The following EPAS1 variants were observed in gnomAD, a reference collection of about 807,000 sequenced individuals.
EPAS1 encodes the protein endothelial PAS domain-containing protein 1.
In EPAS1, 23 loss-of-function variants were observed where a neutral mutation model predicts 87.9. That is an observed-to-expected ratio of 0.26 (90% CI 0.19 to 0.37). The LOEUF is 0.37. EPAS1 is among the 10% of genes least tolerant of loss of function. The probability of loss-of-function intolerance (pLI) is 1.00; values close to 1 mark genes in which losing one functional copy is unlikely to be tolerated. For synonymous variants in EPAS1, 508 were observed against 444.3 expected (o/e 1.14, Z -1.80); for missense variants, 1,138 against 1,120.7 (o/e 1.02, Z -0.22).
intron 15 of EPAS1, 54 bp from the exon 16 acceptor site, chr2:46,384,455 T>A: frequency 6.2e-7 from 1 of 1,613,410 alleles, no homozygotes; most frequent in Non-Finnish European, 8.5e-7. Flanking sequence ...AAGTAGACAC[T>A]TTTCCAAATG....
rs1409595021 is a variant in EPAS1, at chr2:46,381,730, A to G, written c.2172+8A>G. Reference sequence around the variant, plus strand: ...TTCCAGGACCTGAGCGGGGTGAGTCATCCCCACTGGCCACAGGGGCCTCTC... The same window carrying G: ...TTCCAGGACCTGAGCGGGGTGAGTCGTCCCCACTGGCCACAGGGGCCTCTC... On this transcript the variant is annotated splice_region_variant and intron_variant, in intron 13 of 15. Coordinates refer to ENST00000263734, the MANE Select transcript of EPAS1 (RefSeq NM_001430.5). 3.1e-6 allele frequency: 5 copies of G among 1,613,556 alleles called. No homozygotes were observed. The African/African-American group carries it at 5.3e-5, about 17-fold the overall frequency.
chr2:46,369,307 C>T (rs1684573190), intron 6 of EPAS1, among the ~76,000 whole-genome samples: 1 of 152,142 alleles, frequency 6.6e-6, no homozygotes, highest in Non-Finnish European at 1.5e-5. Flanking sequence ...CTGGTTGACA[C>T]AGAGACAAAG....
chr2:46,334,147 C>G (rs750523955), intron 1 of EPAS1, among the ~76,000 whole-genome samples: 28 of 152,188 alleles, frequency 1.8e-4, no homozygotes, highest in Non-Finnish European at 3.5e-4. Context: ...CTCACACTTG[C>G]TGTCCAGCAG....
Position 46,380,710 on chromosome 2 carries a change from A to C in EPAS1, c.2038A>C (p.Lys680Gln). Residue 680 changes from lysine (K) to glutamine (Q), a missense_variant, in exon 12 of 16, where the codon AAG becomes CAG. Physicochemically the swap from Lys to Gln is moderately conservative, Grantham distance 53. Transcript: ENST00000263734. The surrounding 1 kb of genome is among the most constrained non-coding windows in gnomAD (Gnocchi z 4.4). Reference protein sequence around the residue: ...PVSPPHVSTFKTRSAKGFGAR... With the variant: ...PVSPPHVSTFQTRSAKGFGAR... ...CTCTCCACCCCATGTCTCCACCTTC[A>C]AGACAAGGTAAGTGGCAGATACTCA... The C allele has an allele frequency of 6.2e-7, 1 of 1,610,850 alleles. No individual in the cohort carries two copies. The highest frequency in any genetic ancestry group is 8.5e-7 in the Non-Finnish European group (1 of 1,179,970).
At chr2:46,299,762 G>A (rs1682959789) in intron 1 of EPAS1, among the ~76,000 whole-genome samples, 1 of 152,206 alleles carries the variant, frequency 6.6e-6, no homozygotes, top group Non-Finnish European at 1.5e-5. Flanking sequence ...AAACTTGGGA[G>A]CAGGGGAAAA....
intron 6 of EPAS1, among the ~76,000 whole-genome samples, chr2:46,367,483 G>A (rs1451111832): frequency 2.0e-5 from 3 of 152,354 alleles, no homozygotes; most frequent in East Asian, 1.9e-4. Context: ...ACCCAGCAGC[G>A]AAGCCATTTG....
chr2:46,382,161 G>T, intron 14 of EPAS1, 72 bp downstream of exon 14: 2 of 1,418,520 alleles, frequency 1.4e-6, no homozygotes, highest in Non-Finnish European at 9.8e-7. Context: ...AGCCCATCCT[G>T]GTTCTTCCAT....
At chr2:46,299,939 G>C (rs1202052877) in intron 1 of EPAS1, among the ~76,000 whole-genome samples, 1 of 152,236 alleles carries the variant, frequency 6.6e-6, no homozygotes, top group African/African-American at 2.4e-5. Flanking sequence ...GAAACGCCTT[G>C]GAGGCCGCTG....
Position 46,381,709 on chromosome 2 carries a change from A to T in EPAS1, c.2159A>T (p.Gln720Leu). ...RQLEYEEQAF[Q>L]DLSGGDPPGG... ...CTGGAGTATGAAGAGCAAGCCTTCCAGGACCTGAGCGGGGTGAGTCATCCC... is the reference window on the plus strand; with the variant it reads ...CTGGAGTATGAAGAGCAAGCCTTCCTGGACCTGAGCGGGGTGAGTCATCCC... The change falls in exon 13 of 16, where the codon CAG (glutamine) becomes CTG (leucine). Residue 720 changes from glutamine to leucine, a missense_variant. Physicochemically the swap from Gln to Leu is moderately radical, Grantham distance 113. Around this residue, in one of 4 missense-constraint regions of EPAS1, gnomAD observed 502 missense variants for 427.1 expected, o/e 1.18. Coordinates refer to ENST00000263734, the MANE Select transcript of EPAS1 (RefSeq NM_001430.5). 3 of 1,613,924 alleles carry T rather than the reference A, an allele frequency of 1.9e-6. No homozygotes were observed. The highest frequency in any genetic ancestry group is 2.5e-6 in the Non-Finnish European group (3 of 1,180,026).
intron 1 of EPAS1, among the ~76,000 whole-genome samples, chr2:46,344,676 G>C (rs1448450843): frequency 3.9e-5 from 6 of 152,226 alleles, no homozygotes; most frequent in Non-Finnish European, 4.4e-5. Context: ...GTGGGGAAAG[G>C]GGGGTGCAGG....
At chr2:46,323,640 TC>T (rs1479022284) in intron 1 of EPAS1, among the ~76,000 whole-genome samples, 2 of 152,202 alleles carry the variant, frequency 1.3e-5, no homozygotes, top group Non-Finnish European at 2.9e-5. Flanking sequence ...GCTCTCTGAG[TC>T]CCAAAGTCAT....
chr2:46,370,110 TA>T (rs968585387), intron 7 of EPAS1, among the ~76,000 whole-genome samples, 177 bp downstream of exon 7: 2 of 152,320 alleles, frequency 1.3e-5, no homozygotes, highest in African/African-American at 4.8e-5. Context: ...CACCAGCCTA[TA>T]GACTCCTTCG....
intron 1 of EPAS1, among the ~76,000 whole-genome samples, chr2:46,299,823 G>T (rs998362040): frequency 1.3e-5 from 2 of 152,188 alleles, no homozygotes; most frequent in Non-Finnish European, 2.9e-5. Flanking sequence ...CGGACTGTTG[G>T]AAAGAGAGAA....
chr2:46,307,524 G>C (rs138836942), intron 1 of EPAS1, among the ~76,000 whole-genome samples: 87 of 152,262 alleles, frequency 5.7e-4, no homozygotes, highest in African/African-American at 2.0e-3. Flanking sequence ...TGGGAGTTGA[G>C]GCTCTTCTTG....
At chr2:46,359,257 CAAAAAA>C (rs57351888) in intron 4 of EPAS1, among the ~76,000 whole-genome samples, 8 of 25,088 alleles carry the variant, frequency 3.2e-4, no homozygotes, top group Admixed American at 1.7e-3. Context: ...GATTCTGTCT[CAAAAAA>C]AAAAAAAAAA....
chr2:46,306,413 T>G (rs11684885), intron 1 of EPAS1, among the ~76,000 whole-genome samples: 78,432 of 152,050 alleles, frequency 0.52, 21,376 homozygotes, highest in Middle Eastern at 0.64. Context: ...GTGGACCTGG[T>G]TGTCCATGGT....
intron 4 of EPAS1, among the ~76,000 whole-genome samples, chr2:46,357,454 T>C (rs1684291909): frequency 6.6e-6 from 1 of 152,182 alleles, no homozygotes; most frequent in African/African-American, 2.4e-5. Context: ...ATGGTGTCTC[T>C]AGGGTAGCCA....
chr2:46,325,793 A>G (rs1409046059), intron 1 of EPAS1, among the ~76,000 whole-genome samples: 3 of 152,208 alleles, frequency 2.0e-5, no homozygotes, highest in African/African-American at 7.2e-5. Context: ...TCCTATTACC[A>G]TGATGATCAT....
intron 1 of EPAS1, among the ~76,000 whole-genome samples, chr2:46,320,355 G>A (rs6720535): frequency 0.87 from 131,663 of 152,180 alleles, 57,153 homozygotes; most frequent in Admixed American, 0.91. Flanking sequence ...ATTGGTCCTG[G>A]GAATTGTTGA....
Sources: gnomAD v4.1 joint callset for allele counts (sites outside exome capture counted in the v4.1 genomes callset) on GRCh38, gnomAD v4.1.1 for gene constraint, gnomAD v4.1.1 regional missense constraint, Gnocchi (gnomAD v3.1) non-coding constraint, MANE v1.5 for transcripts, NCBI Gene and HGNC (gene_info 2026-07-23, HGNC 2026-07-21) for gene names.